PLAU: variants seen among roughly 807,000 people sequenced by gnomAD.
PLAU encodes urokinase-type plasminogen activator.
PLAU carries 32 observed loss-of-function variants against 48.9 expected under a neutral mutation model. That is an observed-to-expected ratio of 0.65 (90% CI 0.49 to 0.88). PLAU has a LOEUF of 0.88. PLAU is among the 40% of genes least tolerant of loss of function. The pLI is 0.00. For missense variants in PLAU, 455 were observed against 545.2 expected, an observed-to-expected ratio of 0.83 and a Z score of 1.65; for synonymous variants, 199 against 205.7, an observed-to-expected ratio of 0.97 and a Z score of 0.28.
upstream of PLAU, among the ~76,000 whole-genome samples, chr10:73,909,567 G>A (rs990698465): frequency 3.9e-5 from 6 of 152,292 alleles, no homozygotes; most frequent in South Asian, 1.2e-3. Context: ...GGCACCCTGA[G>A]CCCTCGGCTG....
rs1438289734 is a variant in PLAU, at chr10:73,916,614, A to AT, written c.*54dup. 2 of 1,452,834 alleles carry AT rather than the reference A, an allele frequency of 1.4e-6. No homozygotes were observed. The highest frequency in any genetic ancestry group is 3.8e-5 in the Admixed American group (2 of 52,776). The allele number at this position is 1,452,834 out of a possible 1,614,324, so 90.0% of individuals were successfully genotyped here. A position where few individuals can be genotyped will look rare whatever the true frequency, so the allele number is the denominator to read the frequency against. Reference sequence around the variant, plus strand: ...ACCACCCGCTTTCTTGCTGGTTGTCATTTTTGCAGTAGAGTCATCTCCATC... The same window carrying AT: ...ACCACCCGCTTTCTTGCTGGTTGTCATTTTTTGCAGTAGAGTCATCTCCATC... On this transcript the variant is annotated 3_prime_UTR_variant, in exon 11 of 11. Transcript: ENST00000372764.
chr10:73,908,844 C>CTGG (rs2096119539), upstream of PLAU, among the ~76,000 whole-genome samples: 1 of 136,276 alleles, frequency 7.3e-6, no homozygotes, highest in Non-Finnish European at 1.5e-5. Context: ...GGTGACAGAC[C>CTGG]GAGACTCCGT....
At chr10:73,909,424 A>G (rs548248917), upstream of PLAU, 7 of 152,398 alleles carry the variant, frequency 4.6e-5, no homozygotes, top group East Asian at 5.8e-4. Flanking sequence ...TCTGAAGCCT[A>G]TAGCATCGCT....
upstream of PLAU, chr10:73,909,949 G>C (rs2096120988): frequency 6.6e-6 from 1 of 152,164 alleles, no homozygotes; most frequent in South Asian, 2.1e-4. Flanking sequence ...AAGGGTGGAT[G>C]CAGTCATTTA....
At chr10:73,914,939 T>G in intron 9 of PLAU, 23 bp downstream of exon 9, 1 of 1,612,126 alleles carries the variant, frequency 6.2e-7, no homozygotes, top group South Asian at 1.1e-5. Context: ...TGCGACTGAC[T>G]TAGAAGGTCC....
Position 73,911,564 on chromosome 10 carries a change from C to G in PLAU, c.9C>G (p.Ala3=), listed in dbSNP as rs1255365194. MR[A]LLARLLLCVL... ...GCCCCGACCTCGCCACCATGAGAGCCCTGCTGGCGCGCCTGCTTCTCTGCG... is the reference window on the plus strand; with the variant it reads ...GCCCCGACCTCGCCACCATGAGAGCGCTGCTGGCGCGCCTGCTTCTCTGCG... Residue 3 remains alanine, a synonymous_variant, in exon 2 of 11, where the codon GCC becomes GCG. Transcript: ENST00000372764. The G allele has an allele frequency of 6.2e-7, 1 of 1,613,086 alleles. No homozygotes were observed. The highest frequency in any genetic ancestry group is 1.1e-5 in the South Asian group (1 of 91,036).
At chr10:73,911,858 C>T (rs1310117870) in intron 2 of PLAU, 183 bp from the exon 3 acceptor site, 1 of 1,553,220 alleles carries the variant, frequency 6.4e-7, no homozygotes, top group Admixed American at 2.0e-5. Flanking sequence ...ATGAAGCTTG[C>T]TTGGGTCAAT....
rs1723387709 is a variant in PLAU at position 73,913,993 on chromosome 10, AAGG to A, written c.699_701del (p.Glu233del). 4.3e-6 allele frequency: 7 copies of A among 1,613,654 alleles called. No individual in the cohort carries two copies. Among genetic ancestry groups the A allele is most frequent in the African/African-American group, 4.0e-5 (3 of 74,916 alleles). The stretch of plus-strand genomic sequence containing the variant: ...CTTCTCCCACAGTGATTACCCAAAG[AAGG>A]AGGACTACATCGTCTACCTGGGTCG... On this transcript the variant is annotated inframe_deletion, in exon 8 of 11. Transcript: ENST00000372764.
chr10:73,915,551 A>G (rs753361322), intron 10 of PLAU, 152 bp downstream of exon 10: 35 of 686,190 alleles, frequency 5.1e-5, no homozygotes, highest in Non-Finnish European at 7.4e-5. Flanking sequence ...ACCAGTCCTT[A>G]TGTGTTTGCC....
At chr10:73,914,626 G>A in intron 8 of PLAU, 150 bp from the exon 9 acceptor site, 1 of 692,106 alleles carries the variant, frequency 1.4e-6, no homozygotes, top group East Asian at 2.7e-5. Flanking sequence ...ATGGGGCAGG[G>A]GAGGTTTCCA....
chr10:73,916,496 C>T lies in PLAU; in HGVS notation c.1227C>T (p.Tyr409=), dbSNP rs1261044824. ...CCCTGAAGGACAAGCCAGGCGTCTA[C>T]ACGAGAGTCTCACACTTCTTACCCT... ...GCALKDKPGV[Y]TRVSHFLPWI... Residue 409 remains tyrosine (Y), a synonymous_variant, in exon 11 of 11, where the codon TAC becomes TAT. Coordinates refer to ENST00000372764, the MANE Select transcript of PLAU (RefSeq NM_002658.6). 9.3e-6 allele frequency: 15 copies of T among 1,613,910 alleles called. No individual in the cohort carries two copies. Among genetic ancestry groups the T allele is most frequent in the Non-Finnish European group, 1.3e-5 (15 of 1,179,966 alleles).
upstream of PLAU, chr10:73,910,290 T>C (rs2096121456): frequency 6.6e-6 from 1 of 152,242 alleles, no homozygotes. Flanking sequence ...ACTTTTATTC[T>C]TGCCTGCACA....
Position 73,917,302 on chromosome 10 carries a change from C to T in PLAU, c.*737C>T, listed in dbSNP as rs2096139154. ...ATTCTGCAGCATGACCTGTGACCAG[C>T]ACTGTCTCAGTTTCACTTTCACATA... On this transcript the variant is annotated 3_prime_UTR_variant, in exon 11 of 11. Coordinates refer to ENST00000372764, the MANE Select transcript of PLAU (RefSeq NM_002658.6). 1 of 152,646 alleles carries T rather than the reference C, an allele frequency of 6.6e-6. No individual in the cohort carries two copies. Among genetic ancestry groups the T allele is most frequent in the Non-Finnish European group, 1.5e-5 (1 of 68,054 alleles). 9.5% of individuals were successfully genotyped at this position (152,646 alleles called of 1,614,324 possible). A position where few individuals can be genotyped will look rare whatever the true frequency, so the allele number is the denominator to read the frequency against.
At chr10:73,909,408 GT>G (rs768611799), upstream of PLAU, 8 of 152,248 alleles carry the variant, frequency 5.3e-5, no homozygotes, top group South Asian at 2.1e-4. Flanking sequence ...AAGTAGCAAG[GT>G]TGGCTCTGAA....
intron 10 of PLAU, 62 bp downstream of exon 10, chr10:73,915,461 T>G (rs2227583): frequency 1.5e-5 from 22 of 1,488,026 alleles, no homozygotes; most frequent in Non-Finnish European, 2.0e-5. Context: ...CTGGGCTTGT[T>G]CCAGCCAGCT....
Position 73,915,190 on chromosome 10 carries a change from G to A in PLAU, c.971-61G>A. ...GAGATACTTTATGGTTCCCCTCTCT[G>A]GCAGACTCCCAGTGGACAGATAAAT... On this transcript the variant is annotated intron_variant, in intron 9 of 10. Transcript: ENST00000372764. 6.5e-7 allele frequency: 1 copy of A among 1,529,146 alleles called. No individual in the cohort carries two copies. 94.7% of individuals were successfully genotyped at this position (1,529,146 alleles called of 1,614,324 possible).
intron 10 of PLAU, 56 bp downstream of exon 10, chr10:73,915,455 G>A: frequency 1.3e-6 from 2 of 1,505,936 alleles, no homozygotes; most frequent in South Asian, 2.6e-5. Context: ...GAGCTCCTGG[G>A]CTTGTTCCAG....
At position 73,914,008 on chromosome 10, in the gene PLAU, G is replaced by GTC. The variant is rs1297006785; in HGVS notation, c.711_712dup (p.Tyr238SerfsTer16). On this transcript the variant is annotated frameshift_variant, in exon 8 of 11. Transcript: ENST00000372764. LOFTEE classifies it high-confidence loss of function. ...TTACCCAAAGAAGGAGGACTACATC[G>GTC]TCTACCTGGGTCGCTCAAGGCTTAA... is the stretch of plus-strand genomic sequence containing the variant. The GTC allele has an allele frequency of 1.2e-6, 2 of 1,613,916 alleles. No homozygotes were observed. Among genetic ancestry groups the GTC allele is most frequent in the East Asian group, 4.5e-5 (2 of 44,888 alleles).
chr10:73,911,621 G>C lies in PLAU; in HGVS notation c.57+9G>C, dbSNP rs773549475. 1 of 1,613,768 alleles carries C rather than the reference G, an allele frequency of 6.2e-7. No individual in the cohort carries two copies. The highest frequency in any genetic ancestry group is 1.1e-5 in the South Asian group (1 of 90,936). On this transcript the variant is annotated intron_variant, in intron 2 of 10. Coordinates refer to ENST00000372764, the MANE Select transcript of PLAU (RefSeq NM_002658.6). ...TCGTGAGCGACTCCAAAGTGAGTGC[G>C]CTCTTGCTTTGACTGATGCTGCCCA...
Sources: allele counts gnomAD v4.1 joint callset (sites outside exome capture counted in the v4.1 genomes callset), GRCh38; gene constraint gnomAD v4.1.1; transcripts MANE v1.5; gene names NCBI Gene and HGNC (gene_info 2026-07-23, HGNC 2026-07-21).